Variants in HOXB9 observed in about 807,000 individuals in gnomAD.
HOXB9 encodes homeobox B9, also known as homeobox protein Hox-B9.
Under a neutral mutation model 21.5 loss-of-function variants are expected in HOXB9, and 10 were observed. That is an observed-to-expected ratio of 0.47 (90% CI 0.29 to 0.79). The LOEUF (loss-of-function observed/expected upper bound fraction) is 0.79, where lower values mean the gene tolerates loss of function less well. HOXB9 is among the 30% of genes least tolerant of loss of function. HOXB9 has a pLI of 0.10. For synonymous variants in HOXB9, 156 were observed against 151.2 expected (o/e 1.03, Z -0.23); for missense variants, 375 against 338.7 (o/e 1.11, Z -0.84).
chr17:48,623,545 TG>T (rs763882077), intron 1 of HOXB9, among the ~76,000 whole-genome samples: 28 of 152,108 alleles, frequency 1.8e-4, no homozygotes, highest in Non-Finnish European at 3.8e-4. Context: ...GAGGAGGAGT[TG>T]GGTGGGGAAG....
At position 48,625,832 on chromosome 17, in the gene HOXB9, G is replaced by A; in HGVS notation, c.438C>T (p.Ala146=). 6.2e-7 allele frequency: 1 copy of A among 1,611,098 alleles called. No homozygotes were observed. The highest frequency in any genetic ancestry group is 1.3e-5 in the African/African-American group (1 of 74,698). ...YSLETSAGRE[A]VLSNQRPGYG... ...AGCCGGGTCTTTGATTAGACAGCAC[G>A]GCCTCCCTGCCCGCCGAAGTTTCCA... The change falls in exon 1 of 2, where the codon GCC becomes GCT. Residue 146 remains alanine, a synonymous_variant. Coordinates refer to ENST00000311177, the MANE Select transcript of HOXB9 (RefSeq NM_024017.5).
chr17:48,624,940 C>A (rs768367510), intron 1 of HOXB9, among the ~76,000 whole-genome samples: 3 of 152,138 alleles, frequency 2.0e-5, no homozygotes, highest in Admixed American at 6.5e-5. Flanking sequence ...CGAGATGCCC[C>A]GATATTCGGA....
At chr17:48,625,670 A>G (rs2070806440) in intron 1 of HOXB9, 83 bp downstream of exon 1, 7 of 1,380,136 alleles carry the variant, frequency 5.1e-6, no homozygotes, top group Middle Eastern at 2.4e-4. Context: ...TTCCCTTCAC[A>G]TTGTCCGCAG....
chr17:48,623,543 G>C (rs2070788044), intron 1 of HOXB9, among the ~76,000 whole-genome samples: 1 of 152,198 alleles, frequency 6.6e-6, no homozygotes. Flanking sequence ...GAGAGGAGGA[G>C]TTGGGTGGGG....
In HOXB9 at chr17:48,623,104, G is replaced by C. The variant is rs1278738862; in HGVS notation, c.549C>G (p.Arg183=). The change falls in exon 2 of 2, where the codon CGC becomes CGG. Residue 183 remains arginine (R), a synonymous_variant. Transcript: ENST00000311177. The stretch of plus-strand genomic sequence containing the variant: ...AGGGACAGCGCTTTTTCCGGGAAGA[G>C]CGAGCGTGCAGCCAGTTGGCGGAGG... ...TNPSANWLHA[R]SSRKKRCPYT... The C allele has an allele frequency of 5.6e-6, 9 of 1,613,854 alleles. No homozygotes were observed. Among genetic ancestry groups the C allele is most frequent in the Non-Finnish European group, 7.6e-6 (9 of 1,179,948 alleles).
At position 48,626,235 on chromosome 17, in the gene HOXB9, A is replaced by G. The variant is rs759326244; in HGVS notation, c.35T>C (p.Val12Ala). 6.3e-7 allele frequency: 1 copy of G among 1,597,180 alleles called. No individual in the cohort carries two copies. Among genetic ancestry groups the G allele is most frequent in the Non-Finnish European group, 8.5e-7 (1 of 1,178,488 alleles). Reference sequence around the variant, plus strand: ...ACTCTCGTGACTTATGATCGAGTCGACATAATAGCTGCTAAGCGTCCCAGA... The same window carrying G: ...ACTCTCGTGACTTATGATCGAGTCGGCATAATAGCTGCTAAGCGTCCCAGA... ...SISGTLSSYY[V>A]DSIISHESED... Residue 12 changes from valine to alanine, a missense_variant, in exon 1 of 2, where the codon GTC becomes GCC. Physicochemically the swap from Val to Ala is moderately conservative, Grantham distance 64 (BLOSUM62 0). Transcript: ENST00000311177.
In HOXB9 at chr17:48,626,083, A is replaced by T. The variant is rs1417835997; in HGVS notation, c.187T>A (p.Trp63Arg). Reference sequence around the variant, plus strand: ...GACGCGTGCGGGCTCAGCGGCGCCCAGGAGGCGCCGAACACCGGCGCTTTG... The same window carrying T: ...GACGCGTGCGGGCTCAGCGGCGCCCTGGAGGCGCCGAACACCGGCGCTTTG... Reference protein sequence around the residue: ...QPKAPVFGASWAPLSPHASGS... With the variant: ...QPKAPVFGASRAPLSPHASGS... The change falls in exon 1 of 2, where the codon TGG becomes AGG. Residue 63 changes from tryptophan to arginine, a missense_variant. Trp to Arg is a moderately radical substitution (Grantham distance 101, BLOSUM62 -3). Transcript: ENST00000311177. 2 of 1,577,244 alleles carry T rather than the reference A, an allele frequency of 1.3e-6. No individual in the cohort carries two copies.
chr17:48,624,416 G>A (rs1262122016), intron 1 of HOXB9, among the ~76,000 whole-genome samples: 1 of 152,150 alleles, frequency 6.6e-6, no homozygotes, highest in African/African-American at 2.4e-5. Flanking sequence ...GCAGAATTTG[G>A]GGGTTTAGGG....
rs1597896978 is a variant in HOXB9, at chr17:48,626,077, G to C, written c.193C>G (p.Pro65Ala). The C allele has an allele frequency of 3.0e-5, 47 of 1,576,778 alleles. No individual in the cohort carries two copies. In the East Asian group the frequency reaches 1.1e-3, roughly 36 times the overall value. Residue 65 changes from proline to alanine, a missense_variant, in exon 1 of 2, where the codon CCG (proline) becomes GCG (alanine). Coordinates refer to ENST00000311177, the MANE Select transcript of HOXB9 (RefSeq NM_024017.5). The part of the protein sequence containing the change: ...KAPVFGASWA[P>A]LSPHASGSLP... ...CTCCCGGACGCGTGCGGGCTCAGCG[G>C]CGCCCAGGAGGCGCCGAACACCGGC...
intron 1 of HOXB9, among the ~76,000 whole-genome samples, 159 bp downstream of exon 1, chr17:48,625,594 C>T (rs1054319490): frequency 6.6e-6 from 1 of 152,218 alleles, no homozygotes; most frequent in Non-Finnish European, 1.5e-5. Context: ...GCAGCTTTCC[C>T]CTTCCCTCCG....
At position 48,623,014 on chromosome 17, in the gene HOXB9, G is replaced by A; in HGVS notation, c.639C>T (p.Asp213=). 2 of 1,614,196 alleles carry A rather than the reference G, an allele frequency of 1.2e-6. 1 individual carries two copies. Among genetic ancestry groups the A allele is most frequent in the South Asian group, 2.2e-5 (2 of 91,082 alleles). The change falls in exon 2 of 2, where the codon GAC becomes GAT. Residue 213 remains aspartate, a synonymous_variant. Transcript: ENST00000311177. ...EFLFNMYLTR[D]RRHEVARLLN... is the part of the protein sequence containing the mutation. ...GGAGTCTGGCCACTTCGTGCCTACG[G>A]TCCCTGGTGAGGTACATATTGAACA...
rs776108312 is a variant in HOXB9 at position 48,623,160 on chromosome 17, C to G, written c.518-25G>C. ...GCTGAAAGAGAAGCAGCGATAGAAT[C>G]AAAGAAAGGAAGGGGGTGAAGGGCC... is the stretch of plus-strand genomic sequence containing the variant. On this transcript the variant is annotated intron_variant, in intron 1 of 1. Coordinates refer to ENST00000311177, the MANE Select transcript of HOXB9 (RefSeq NM_024017.5). 1.3e-6 allele frequency: 2 copies of G among 1,588,386 alleles called. No individual in the cohort carries two copies. Among genetic ancestry groups the G allele is most frequent in the East Asian group, 4.5e-5 (2 of 44,746 alleles).
At chr17:48,625,658 G>A (rs186639828) in intron 1 of HOXB9, 95 bp downstream of exon 1, 79 of 1,375,830 alleles carry the variant, frequency 5.7e-5, no homozygotes, top group Non-Finnish European at 4.3e-5. Context: ...CACCGCCGCA[G>A]TTTCCCTTCA....
intron 1 of HOXB9, 51 bp downstream of exon 1, chr17:48,625,702 G>C (rs1209374720): frequency 9.6e-5 from 131 of 1,365,450 alleles, no homozygotes; most frequent in South Asian, 6.7e-4. Flanking sequence ...TCCCCTCCCC[G>C]CCCCCCTCCT....
At chr17:48,624,206 A>G (rs116786705) in intron 1 of HOXB9, among the ~76,000 whole-genome samples, 2,078 of 152,308 alleles carry the variant, frequency 0.014, 41 homozygotes, top group African/African-American at 0.044. Flanking sequence ...CTTCTCCCCA[A>G]GTGAAAAACA....
Position 48,623,110 on chromosome 17 carries a change from G to A in HOXB9, c.543C>T (p.His181=), listed in dbSNP as rs371256693. The change falls in exon 2 of 2, where the codon CAC becomes CAT. Residue 181 remains histidine (H), a synonymous_variant. Transcript: ENST00000311177. ...AGCGCTTTTTCCGGGAAGAGCGAGC[G>A]TGCAGCCAGTTGGCGGAGGGGTTGG... ...DQTNPSANWL[H]ARSSRKKRCP... The A allele has an allele frequency of 1.1e-4, 174 of 1,613,666 alleles. 1 individual carries two copies. The South Asian group carries it at 1.5e-3, about 14-fold the overall frequency.
In HOXB9 at chr17:48,625,966, C is replaced by G; in HGVS notation, c.304G>C (p.Ala102Pro). 6.7e-7 allele frequency: 1 copy of G among 1,489,284 alleles called. No individual in the cohort carries two copies. 92.3% of individuals were successfully genotyped at this position (1,489,284 alleles called of 1,614,324 possible). A position where few individuals can be genotyped will look rare whatever the true frequency, so the allele number is the denominator to read the frequency against. ...CCCGGGGCCGCTTCGCCGCGCGGCG[C>G]CGGCTCCAGCCAGGTGCGGAGGTAC... ...SRYLRTWLEP[A>P]PRGEAAPGQG... The change falls in exon 1 of 2, where the codon GCG (alanine) becomes CCG (proline). Residue 102 changes from alanine to proline, a missense_variant. By Grantham distance (27) the Ala-to-Pro change is conservative. Transcript: ENST00000311177.
At position 48,622,860 on chromosome 17, in the gene HOXB9, T is replaced by C; in HGVS notation, c.*40A>G. 2 of 1,446,706 alleles carry C rather than the reference T, an allele frequency of 1.4e-6. No individual in the cohort carries two copies. The highest frequency in any genetic ancestry group is 2.3e-5 in the East Asian group (1 of 44,068). 89.6% of individuals were successfully genotyped at this position (1,446,706 alleles called of 1,614,324 possible). A position where few individuals can be genotyped will look rare whatever the true frequency, so the allele number is the denominator to read the frequency against. On this transcript the variant is annotated 3_prime_UTR_variant, in exon 2 of 2. Coordinates refer to ENST00000311177, the MANE Select transcript of HOXB9 (RefSeq NM_024017.5). ...AGTCGTCACATAACTAAGAGTGAGA[T>C]GGGGAAGAGCTAGGGAGGACTGGGG...
chr17:48,625,776 T>C lies in HOXB9; in HGVS notation c.494A>G (p.Glu165Gly). The C allele has an allele frequency of 2.5e-6, 4 of 1,600,116 alleles. No individual in the cohort carries two copies. The highest frequency in any genetic ancestry group is 3.4e-6 in the Non-Finnish European group (4 of 1,174,008). ...ACTTTGATCCGGCCTCTCTTTGTCC[T>C]CGCTTCCTTCGCAAATTTTATTGTC... ...YGDNKICEGS[E>G]DKERPDQTNP... The change falls in exon 1 of 2, where the codon GAG becomes GGG. Residue 165 changes from glutamate (E) to glycine (G), a missense_variant. Transcript: ENST00000311177.
Sources: allele counts gnomAD v4.1 joint callset (sites outside exome capture counted in the v4.1 genomes callset), GRCh38; gene constraint gnomAD v4.1.1; transcripts MANE v1.5; gene names NCBI Gene and HGNC (gene_info 2026-07-23, HGNC 2026-07-21).